ADAMTS19: variants seen among roughly 807,000 people sequenced by gnomAD.
The protein encoded by ADAMTS19 is ADAM metallopeptidase with thrombospondin type 1 motif 19, also known as A disintegrin and metalloproteinase with thrombospondin motifs 19.
ADAMTS19 carries 93 observed loss-of-function variants against 153.3 expected under a neutral mutation model. The observed-to-expected ratio is 0.61, with a 90% CI of 0.51 to 0.72. The LOEUF (loss-of-function observed/expected upper bound fraction) is 0.72, where lower values mean the gene tolerates loss of function less well. Ranked by LOEUF, ADAMTS19 falls within the 30% of genes least tolerant of loss-of-function variation. The probability of loss-of-function intolerance (pLI) is 0.00; values close to 1 mark genes in which losing one functional copy is unlikely to be tolerated. For missense variants in ADAMTS19, 1,482 were observed against 1,552.1 expected, an observed-to-expected ratio of 0.95 and a Z score of 0.76; for synonymous variants, 600 against 556.6, an observed-to-expected ratio of 1.08 and a Z score of -1.10.
intron 3 of ADAMTS19, among the ~76,000 whole-genome samples, chr5:129,521,207 G>A (rs141624220): frequency 6.6e-6 from 1 of 152,082 alleles, no homozygotes; most frequent in African/African-American, 2.4e-5. Context: ...TTTACTCTAG[G>A]TTTTAGTAAA....
At chr5:129,674,288 T>A (rs954750449) in intron 16 of ADAMTS19, among the ~76,000 whole-genome samples, 3 of 152,166 alleles carry the variant, frequency 2.0e-5, no homozygotes, top group African/African-American at 4.8e-5. Flanking sequence ...GCATGCTACA[T>A]CTTTTTCCAT....
chr5:129,470,201 T>G (rs186599521), intron 2 of ADAMTS19, among the ~76,000 whole-genome samples: 1 of 152,312 alleles, frequency 6.6e-6, no homozygotes, highest in East Asian at 1.9e-4. Context: ...AACAAAATTC[T>G]TTATAAGAGC....
At chr5:129,536,128 C>G (rs13190013) in intron 6 of ADAMTS19, among the ~76,000 whole-genome samples, 51,618 of 152,042 alleles carry the variant, frequency 0.34, 10,821 homozygotes, top group Non-Finnish European at 0.46. Context: ...AACAGGCAAC[C>G]TACACAATGG....
chr5:129,720,274 C>T (rs371024476), intron 21 of ADAMTS19, among the ~76,000 whole-genome samples: 4 of 150,856 alleles, frequency 2.7e-5, no homozygotes, highest in Admixed American at 6.6e-5. Flanking sequence ...AGGGTTCAAG[C>T]GATTCTTGTT....
intron 7 of ADAMTS19, 125 bp from the exon 8 acceptor site, chr5:129,596,434 A>C: frequency 1.6e-6 from 1 of 619,138 alleles, no homozygotes; most frequent in Non-Finnish European, 2.6e-6. Context: ...TTAGGGCTAG[A>C]TTTCACAGAT....
At chr5:129,578,369 T>G (rs1170503250) in intron 7 of ADAMTS19, among the ~76,000 whole-genome samples, 1 of 113,286 alleles carries the variant, frequency 8.8e-6, no homozygotes, top group African/African-American at 3.4e-5. Flanking sequence ...TGCATGTATA[T>G]GTACGTATAC....
chr5:129,596,681 G>C lies in ADAMTS19; in HGVS notation c.1478+17G>C, dbSNP rs747125880. The C allele has an allele frequency of 2.0e-6, 3 of 1,537,568 alleles. No individual in the cohort carries two copies. Reference sequence around the variant, plus strand: ...GGGTCACAAGTAAGTAAAAATCATGGCTATGTTAAATATGTTAGCATATAA... The same window carrying C: ...GGGTCACAAGTAAGTAAAAATCATGCCTATGTTAAATATGTTAGCATATAA... On this transcript the variant is annotated intron_variant, in intron 8 of 22. Coordinates refer to ENST00000274487, the MANE Select transcript of ADAMTS19 (RefSeq NM_133638.6).
chr5:129,693,171 G>T (rs1187558394), intron 18 of ADAMTS19, among the ~76,000 whole-genome samples: 1 of 150,842 alleles, frequency 6.6e-6, no homozygotes, highest in Non-Finnish European at 1.5e-5. Context: ...ATCAAGGAAA[G>T]ACTCTGAACC....
At chr5:129,680,823 A>C (rs1474312682) in intron 17 of ADAMTS19, among the ~76,000 whole-genome samples, 3 of 152,074 alleles carry the variant, frequency 2.0e-5, no homozygotes, top group Admixed American at 2.0e-4. Flanking sequence ...AAGAGAAAAA[A>C]TCAGGATGAT....
At chr5:129,620,822 T>C (rs1032479102) in intron 9 of ADAMTS19, 64 bp downstream of exon 9, 4 of 1,532,588 alleles carry the variant, frequency 2.6e-6, no homozygotes. Flanking sequence ...TTTTTACAAA[T>C]AGAGAAGCCA....
intron 7 of ADAMTS19, among the ~76,000 whole-genome samples, chr5:129,557,167 A>G (rs1168492625): frequency 2.0e-5 from 3 of 152,120 alleles, no homozygotes; most frequent in Non-Finnish European, 4.4e-5. Context: ...ATATATAAAT[A>G]TATATATAAG....
intron 6 of ADAMTS19, among the ~76,000 whole-genome samples, chr5:129,538,536 T>C (rs1416940040): frequency 6.6e-6 from 1 of 152,110 alleles, no homozygotes; most frequent in Admixed American, 6.6e-5. Flanking sequence ...TTGCCTCCCT[T>C]GTTGCTAGCT....
At chr5:129,638,897 A>G (rs1752671781) in intron 10 of ADAMTS19, among the ~76,000 whole-genome samples, 1 of 152,210 alleles carries the variant, frequency 6.6e-6, no homozygotes, top group African/African-American at 2.4e-5. Flanking sequence ...TAATATTTGT[A>G]CAGGACAATT....
At chr5:129,629,695 T>G (rs1281457647) in intron 10 of ADAMTS19, among the ~76,000 whole-genome samples, 1 of 152,130 alleles carries the variant, frequency 6.6e-6, no homozygotes, top group Non-Finnish European at 1.5e-5. Flanking sequence ...CTCACTCTTC[T>G]GCATAAATTT....
In ADAMTS19 at chr5:129,724,457, T is replaced by C. The variant is rs565014229; in HGVS notation, c.3313-10475T>C. ...TTGAGTCTACAGCAACCTCAGTTCT[T>C]GTCTCCTCAGAAGAAAGAATTTGAC... On this transcript the variant is annotated intron_variant, in intron 21 of 22. Transcript: ENST00000274487. Among the ~76,000 whole-genome samples the C allele has an allele frequency of 2.0e-5, 3 of 152,286 alleles. No homozygotes were observed. In the South Asian group the frequency reaches 6.2e-4, roughly 32 times the overall value.
chr5:129,521,927 CT>C (rs1274474428), intron 3 of ADAMTS19, among the ~76,000 whole-genome samples: 2 of 151,990 alleles, frequency 1.3e-5, no homozygotes, highest in African/African-American at 4.8e-5. Flanking sequence ...ATAGTCTCTA[CT>C]ACAGCATCTC....
chr5:129,730,622 T>C (rs1438249287), intron 21 of ADAMTS19, among the ~76,000 whole-genome samples: 1 of 152,128 alleles, frequency 6.6e-6, no homozygotes, highest in African/African-American at 2.4e-5. Flanking sequence ...ACAAAGGGTC[T>C]ATGTTAAATA....
At chr5:129,634,454 A>T (rs1036238433) in intron 10 of ADAMTS19, among the ~76,000 whole-genome samples, 4 of 152,170 alleles carry the variant, frequency 2.6e-5, no homozygotes, top group Admixed American at 2.6e-4. Context: ...TATAGAAACA[A>T]AAACAAGCCC....
chr5:129,460,332 C>T lies in ADAMTS19; in HGVS notation c.-60C>T. 2.0e-6 allele frequency: 3 copies of T among 1,501,364 alleles called. No homozygotes were observed. The highest frequency in any genetic ancestry group is 1.1e-5 in the South Asian group (1 of 88,526). The allele number at this position is 1,501,364 out of a possible 1,614,324, so 93.0% of individuals were successfully genotyped here. ...GCGCTCCGGGGAGGCCGCTGCGCCCCGGAGTGGATCGCGCTGGAGGCGTGC... is the reference window on the plus strand; with the variant it reads ...GCGCTCCGGGGAGGCCGCTGCGCCCTGGAGTGGATCGCGCTGGAGGCGTGC... On this transcript the variant is annotated 5_prime_UTR_variant, in exon 1 of 23. Transcript: ENST00000274487.
Sources: allele counts gnomAD v4.1 joint callset (sites outside exome capture counted in the v4.1 genomes callset), GRCh38; gene constraint gnomAD v4.1.1; transcripts MANE v1.5; gene names NCBI Gene and HGNC (gene_info 2026-07-23, HGNC 2026-07-21).